Variants in BARX2 observed in about 807,000 individuals in gnomAD.
The protein encoded by BARX2 is homeobox protein BarH-like 2.
BARX2 carries 11 observed loss-of-function variants against 25.5 expected under a neutral mutation model. The observed-to-expected ratio is 0.43, with a 90% CI of 0.27 to 0.71. The LOEUF is 0.71. Ranked by LOEUF, BARX2 falls within the 30% of genes least tolerant of loss-of-function variation. The pLI, the probability that BARX2 is intolerant of heterozygous loss-of-function variation, is 0.19. For missense variants in BARX2, 360 were observed against 359.9 expected, an observed-to-expected ratio of 1.00 and a Z score of 0.00; for synonymous variants, 137 against 149.5, an observed-to-expected ratio of 0.92 and a Z score of 0.61.
At chr11:129,424,851 G>C (rs1426725310) in intron 1 of BARX2, among the ~76,000 whole-genome samples, 8 of 152,174 alleles carry the variant, frequency 5.3e-5, no homozygotes, top group Non-Finnish European at 1.2e-4. Flanking sequence ...CAAGCTATGA[G>C]GCAGAGGGAT....
intron 1 of BARX2, among the ~76,000 whole-genome samples, chr11:129,407,256 T>G (rs928252289): frequency 6.6e-6 from 1 of 152,190 alleles, no homozygotes; most frequent in African/African-American, 2.4e-5. Context: ...AACTCCTACA[T>G]CTTCATGTAA....
intron 1 of BARX2, among the ~76,000 whole-genome samples, chr11:129,401,860 G>A (rs1861778829): frequency 6.6e-6 from 1 of 151,916 alleles, no homozygotes. Context: ...AGAGGCTGAG[G>A]TGAGAGAATC....
chr11:129,376,193 T>A lies in BARX2; in HGVS notation c.158T>A (p.Val53Glu). ...TACTCCGTGTGCCCGTCGCTGGTCGTGCGACCCAAGCCCCTGCATTCCTGT... is the reference window on the plus strand; with the variant it reads ...TACTCCGTGTGCCCGTCGCTGGTCGAGCGACCCAAGCCCCTGCATTCCTGT... ...SLYSVCPSLV[V>E]RPKPLHSCTG... is the part of the protein sequence containing the mutation. Residue 53 changes from valine (V) to glutamate (E), a missense_variant, in exon 1 of 4, where the codon GTG (valine) becomes GAG (glutamate). By Grantham distance (121) the Val-to-Glu change is moderately radical. This residue lies in a region of BARX2 where 240 missense variants were observed against 228.7 expected (regional missense o/e 1.05). Transcript: ENST00000281437. The surrounding 1 kb of genome is among the most constrained non-coding windows in gnomAD (Gnocchi z 4.2). 2 of 1,610,574 alleles carry A rather than the reference T, an allele frequency of 1.2e-6. No individual in the cohort carries two copies. The highest frequency in any genetic ancestry group is 1.7e-6 in the Non-Finnish European group (2 of 1,178,424).
chr11:129,381,026 C>T (rs925899073), intron 1 of BARX2, among the ~76,000 whole-genome samples: 1 of 152,142 alleles, frequency 6.6e-6, no homozygotes, highest in Non-Finnish European at 1.5e-5. Context: ...CCACCCGCCT[C>T]GGCCTCCCAA....
rs1862402460 is a variant in BARX2, at chr11:129,451,599, C to T, written c.*197C>T. The T allele has an allele frequency of 5.9e-6, 4 of 674,158 alleles. No homozygotes were observed. The highest frequency in any genetic ancestry group is 9.7e-6 in the Non-Finnish European group (4 of 411,780). The allele number at this position is 674,158 out of a possible 1,614,324, so 41.8% of individuals were successfully genotyped here. A position where few individuals can be genotyped will look rare whatever the true frequency, so the allele number is the denominator to read the frequency against. On this transcript the variant is annotated 3_prime_UTR_variant, in exon 4 of 4. Coordinates refer to ENST00000281437, the MANE Select transcript of BARX2 (RefSeq NM_003658.5). ...AAAGACTTGCTTGTCTTGGGCCTGT[C>T]ACCTCCTGAAAGGCTGCTTTAGCTG...
chr11:129,427,010 T>C (rs1421347351), intron 1 of BARX2, among the ~76,000 whole-genome samples: 1 of 152,198 alleles, frequency 6.6e-6, no homozygotes, highest in African/African-American at 2.4e-5. Context: ...GAATCTTGCT[T>C]TGCATGTGAA....
At chr11:129,444,366 C>T (rs906940723) in intron 3 of BARX2, among the ~76,000 whole-genome samples, 3 of 152,102 alleles carry the variant, frequency 2.0e-5, no homozygotes, top group Admixed American at 6.5e-5. Context: ...GGGGACCTGA[C>T]CCTGAAATGA....
At chr11:129,391,420 AT>A (rs1458427946) in intron 1 of BARX2, among the ~76,000 whole-genome samples, 4 of 152,198 alleles carry the variant, frequency 2.6e-5, no homozygotes, top group African/African-American at 9.7e-5. Flanking sequence ...CAGACACAGC[AT>A]GGCCCATAAA....
At chr11:129,397,940 T>A (rs1458676634) in intron 1 of BARX2, among the ~76,000 whole-genome samples, 2 of 152,228 alleles carry the variant, frequency 1.3e-5, no homozygotes, top group African/African-American at 4.8e-5. Context: ...AGCTGAACAT[T>A]TTCTGATGGT....
intron 3 of BARX2, among the ~76,000 whole-genome samples, chr11:129,445,411 C>T (rs1007082988): frequency 2.0e-5 from 3 of 152,250 alleles, no homozygotes; most frequent in African/African-American, 7.2e-5. Flanking sequence ...TGCCCGTGGG[C>T]CAATGCGTGT....
intron 1 of BARX2, among the ~76,000 whole-genome samples, chr11:129,394,128 C>A (rs1861693939): frequency 6.6e-6 from 1 of 152,076 alleles, no homozygotes; most frequent in South Asian, 2.1e-4. Flanking sequence ...CATTTTTGAA[C>A]TTTATATAGA....
intron 1 of BARX2, among the ~76,000 whole-genome samples, chr11:129,397,146 T>C (rs899610913): frequency 6.6e-6 from 1 of 151,872 alleles, no homozygotes; most frequent in African/African-American, 2.4e-5. Flanking sequence ...TAGCCGGGCG[T>C]GGTGGTATGT....
intron 1 of BARX2, among the ~76,000 whole-genome samples, chr11:129,435,948 C>A (rs140926636): frequency 6.6e-6 from 1 of 152,220 alleles, no homozygotes; most frequent in African/African-American, 2.4e-5. Flanking sequence ...TGTTAATCGA[C>A]CCAGCACCTT....
At chr11:129,432,626 T>C (rs777432016) in intron 1 of BARX2, among the ~76,000 whole-genome samples, 2 of 152,210 alleles carry the variant, frequency 1.3e-5, no homozygotes, top group Non-Finnish European at 2.9e-5. Context: ...CTGATTTTCT[T>C]TGCCTAGCTT....
At chr11:129,424,416 T>A (rs1862041709) in intron 1 of BARX2, among the ~76,000 whole-genome samples, 1 of 152,162 alleles carries the variant, frequency 6.6e-6, no homozygotes, top group Non-Finnish European at 1.5e-5. Flanking sequence ...GTCTTCCCCT[T>A]CCTGTGTGTC....
intron 1 of BARX2, among the ~76,000 whole-genome samples, chr11:129,380,522 C>T (rs965410109): frequency 1.3e-5 from 2 of 152,060 alleles, no homozygotes; most frequent in Non-Finnish European, 2.9e-5. Context: ...ATCTTAGGAA[C>T]CTGAGAGTTG....
chr11:129,384,057 A>G (rs900657457), intron 1 of BARX2, among the ~76,000 whole-genome samples: 3 of 151,990 alleles, frequency 2.0e-5, no homozygotes, highest in Admixed American at 2.0e-4. Flanking sequence ...TATTTTTAGT[A>G]GAGATGGAGT....
chr11:129,421,109 C>T (rs552545391), intron 1 of BARX2, among the ~76,000 whole-genome samples: 1 of 152,260 alleles, frequency 6.6e-6, no homozygotes, highest in African/African-American at 2.4e-5. Context: ...CTGTAGGGAG[C>T]AACTGTCTTT....
At chr11:129,438,578 G>A (rs1862220392) in intron 2 of BARX2, among the ~76,000 whole-genome samples, 1 of 152,190 alleles carries the variant, frequency 6.6e-6, no homozygotes, top group Admixed American at 6.5e-5. Context: ...AAGTGACAGA[G>A]GAGTCTGCAT....
Sources: allele counts gnomAD v4.1 joint callset (sites outside exome capture counted in the v4.1 genomes callset), GRCh38; gene constraint gnomAD v4.1.1; regional missense constraint gnomAD v4.1.1; non-coding constraint Gnocchi (gnomAD v3.1); transcripts MANE v1.5; gene names NCBI Gene and HGNC (gene_info 2026-07-23, HGNC 2026-07-21).